Variants in CDC42SE2 observed in about 807,000 individuals in gnomAD.
The protein encoded by CDC42SE2 is CDC42 small effector protein 2.
A neutral mutation model predicts 11.5 loss-of-function variants in CDC42SE2; 3 were observed. The ratio of observed to expected loss-of-function variants is 0.26; its 90% CI spans 0.12 to 0.67. The LOEUF (loss-of-function observed/expected upper bound fraction) is 0.67. CDC42SE2 is among the 30% of genes least tolerant of loss of function. The pLI is 0.80. For synonymous variants in CDC42SE2, 33 were observed against 34.8 expected (o/e 0.95, Z 0.18); for missense variants, 82 against 106.8 (o/e 0.77, Z 1.02).
At chr5:131,256,187 AAC>A (rs1394197542) in intron 2 of CDC42SE2, among the ~76,000 whole-genome samples, 2 of 152,242 alleles carry the variant, frequency 1.3e-5, no homozygotes, top group Non-Finnish European at 2.9e-5. Context: ...AAGTGGAAAT[AAC>A]ACAGTAAGTC....
intron 1 of CDC42SE2, among the ~76,000 whole-genome samples, chr5:131,278,528 C>T (rs1757150837): frequency 6.6e-6 from 1 of 150,924 alleles, no homozygotes; most frequent in African/African-American, 2.4e-5. Flanking sequence ...ATGTTAGTAG[C>T]TTGAAACTGG....
chr5:131,277,617 G>C (rs1180185977), intron 1 of CDC42SE2, among the ~76,000 whole-genome samples: 2 of 152,182 alleles, frequency 1.3e-5, no homozygotes, highest in Non-Finnish European at 2.9e-5. Context: ...GGCCAAGTTA[G>C]TCTGTTCAGT....
chr5:131,384,743 AC>A (rs1364160335), intron 3 of CDC42SE2, among the ~76,000 whole-genome samples: 2 of 152,038 alleles, frequency 1.3e-5, no homozygotes, highest in African/African-American at 4.8e-5. Flanking sequence ...GGCTAAAGTT[AC>A]TGGAAAATGG....
At chr5:131,292,266 GAT>G (rs1757473259) in intron 1 of CDC42SE2, among the ~76,000 whole-genome samples, 1 of 100,470 alleles carries the variant, frequency 1.0e-5, no homozygotes, top group South Asian at 3.4e-4. Context: ...AAAAAAAAAA[GAT>G]AATAATAATA....
intron 1 of CDC42SE2, among the ~76,000 whole-genome samples, chr5:131,301,254 A>ATAT (rs1377495096): frequency 3.3e-5 from 5 of 152,202 alleles, no homozygotes; most frequent in African/African-American, 1.2e-4. Context: ...TAGGAGGAAT[A>ATAT]CGTTCTAGTG....
intron 2 of CDC42SE2, among the ~76,000 whole-genome samples, chr5:131,324,127 C>T (rs1758249800): frequency 6.6e-6 from 1 of 152,078 alleles, no homozygotes. Flanking sequence ...TGCAGAGTAC[C>T]TATTTTTTCT....
intron 1 of CDC42SE2, among the ~76,000 whole-genome samples, chr5:131,312,921 T>A (rs1757959314): frequency 6.6e-6 from 1 of 152,024 alleles, no homozygotes; most frequent in African/African-American, 2.4e-5. Context: ...CACGCTGGGA[T>A]CTGTAGACGG....
At chr5:131,226,972 G>T in the CDC42SE2 span, among the ~76,000 whole-genome samples, 7 of 152,162 alleles carry the variant, frequency 4.6e-5, no homozygotes, top group Admixed American at 3.3e-4. Context: ...GAGCTTATCT[G>T]AGTTACTAAT....
At chr5:131,385,488 A>C in intron 3 of CDC42SE2, 55 bp from the exon 4 acceptor site, 1 of 1,257,016 alleles carries the variant, frequency 8.0e-7, no homozygotes, top group Non-Finnish European at 1.1e-6. Context: ...AAAATCCATC[A>C]GAATAAGTTG....
At chr5:131,314,787 C>A (rs1487882921) in intron 1 of CDC42SE2, among the ~76,000 whole-genome samples, 1 of 152,024 alleles carries the variant, frequency 6.6e-6, no homozygotes, top group Non-Finnish European at 1.5e-5. Flanking sequence ...ATTAAGCAAC[C>A]CCAATGGTTT....
chr5:131,281,659 A>C (rs1019019821), intron 1 of CDC42SE2, among the ~76,000 whole-genome samples: 3 of 152,228 alleles, frequency 2.0e-5, no homozygotes, highest in African/African-American at 4.8e-5. Context: ...TTTAGAAATT[A>C]GTCACACAGT....
intron 3 of CDC42SE2, among the ~76,000 whole-genome samples, chr5:131,368,210 G>A (rs1220427992): frequency 7.0e-6 from 1 of 141,994 alleles, no homozygotes; most frequent in South Asian, 2.2e-4. Flanking sequence ...CCGAGATTGC[G>A]CCACTGCACT....
chr5:131,333,533 A>G (rs923654437), intron 2 of CDC42SE2, among the ~76,000 whole-genome samples: 2 of 152,146 alleles, frequency 1.3e-5, no homozygotes, highest in African/African-American at 4.8e-5. Context: ...TGGGGATGGC[A>G]TTGAATCTAT....
At chr5:131,309,644 G>T (rs1757857990) in intron 1 of CDC42SE2, among the ~76,000 whole-genome samples, 1 of 151,754 alleles carries the variant, frequency 6.6e-6, no homozygotes, top group Non-Finnish European at 1.5e-5. Flanking sequence ...GGTCTATTCA[G>T]AGATTCAACT....
At chr5:131,370,698 A>G (rs534223797) in intron 3 of CDC42SE2, among the ~76,000 whole-genome samples, 1 of 152,350 alleles carries the variant, frequency 6.6e-6, no homozygotes, top group African/African-American at 2.4e-5. Flanking sequence ...CATAGCCTTT[A>G]ATTACAAATT....
intron 1 of CDC42SE2, among the ~76,000 whole-genome samples, chr5:131,279,852 T>C (rs1757202093): frequency 6.6e-6 from 1 of 152,164 alleles, no homozygotes; most frequent in East Asian, 1.9e-4. Context: ...GGTGGGCGAT[T>C]GCTTGAGTAC....
At chr5:131,242,364 C>G (rs1036856932), upstream of CDC42SE2, among the ~76,000 whole-genome samples, 10 of 152,104 alleles carry the variant, frequency 6.6e-5, no homozygotes, top group African/African-American at 2.2e-4. Context: ...ATTCTGCTTG[C>G]TTATTATAAT....
At chr5:131,367,097 CAAAT>C (rs1205475999) in intron 3 of CDC42SE2, among the ~76,000 whole-genome samples, 2 of 150,700 alleles carry the variant, frequency 1.3e-5, no homozygotes, top group Non-Finnish European at 3.0e-5. Context: ...AATATACAAT[CAAAT>C]ATATATGTGT....
At chr5:131,315,022 G>T (rs1437277999) in intron 1 of CDC42SE2, among the ~76,000 whole-genome samples, 1 of 152,132 alleles carries the variant, frequency 6.6e-6, no homozygotes, top group Non-Finnish European at 1.5e-5. Flanking sequence ...AGTTGCCTTG[G>T]TGATGGCTTT....
Sources: allele counts gnomAD v4.1 joint callset (sites outside exome capture counted in the v4.1 genomes callset), GRCh38; gene constraint gnomAD v4.1.1; transcripts MANE v1.5; gene names NCBI Gene and HGNC (gene_info 2026-07-23, HGNC 2026-07-21).